GPC5: variants seen among roughly 807,000 people sequenced by gnomAD.
GPC5 encodes the protein glypican-5.
Under a neutral mutation model 53.9 loss-of-function variants are expected in GPC5, and 47 were observed. The ratio of observed to expected loss-of-function variants is 0.87; its 90% CI spans 0.69 to 1.11. The LOEUF (loss-of-function observed/expected upper bound fraction) is 1.11. GPC5 is among the 50% of genes most tolerant of loss of function. The pLI is 0.00. For missense variants in GPC5, 748 were observed against 713.1 expected (o/e 1.05, Z -0.56); for synonymous variants, 286 against 263.3 (o/e 1.09, Z -0.84).
chr13:92,796,162 C>T (rs1428479402), intron 7 of GPC5, among the ~76,000 whole-genome samples: 1 of 152,092 alleles, frequency 6.6e-6, no homozygotes, highest in Non-Finnish European at 1.5e-5. Context: ...CACATATATA[C>T]CATGGAATAT....
At chr13:91,669,188 G>GCC (rs112151311) in intron 2 of GPC5, among the ~76,000 whole-genome samples, 35 of 152,088 alleles carry the variant, frequency 2.3e-4, no homozygotes, top group Admixed American at 1.6e-3. Flanking sequence ...GTATTACTGT[G>GCC]CCCCCCCGAC....
intron 1 of GPC5, among the ~76,000 whole-genome samples, chr13:91,407,673 A>G (rs1251699314): frequency 6.6e-6 from 1 of 152,186 alleles, no homozygotes; most frequent in Non-Finnish European, 1.5e-5. Flanking sequence ...TGTCGGGAGT[A>G]AAGTATACAT....
At chr13:91,881,125 A>G (rs1267964697) in intron 5 of GPC5, among the ~76,000 whole-genome samples, 2 of 152,116 alleles carry the variant, frequency 1.3e-5, no homozygotes, top group Admixed American at 1.3e-4. Context: ...TGTGGTGGAC[A>G]AAAGTCCCCA....
chr13:92,038,631 A>G (rs966333328), intron 6 of GPC5, among the ~76,000 whole-genome samples: 2 of 151,134 alleles, frequency 1.3e-5, no homozygotes, highest in African/African-American at 2.4e-5. Flanking sequence ...CCTGATGAAT[A>G]TTTCTCCCTC....
intron 7 of GPC5, among the ~76,000 whole-genome samples, chr13:92,261,070 C>T (rs757808223): frequency 3.3e-5 from 5 of 152,100 alleles, no homozygotes; most frequent in Non-Finnish European, 7.4e-5. Flanking sequence ...AACATCAGAA[C>T]ATTATAACCA....
At chr13:92,526,501 C>T (rs1055234626) in intron 7 of GPC5, among the ~76,000 whole-genome samples, 3 of 151,932 alleles carry the variant, frequency 2.0e-5, no homozygotes, top group African/African-American at 7.3e-5. Context: ...GAGCAGGAGC[C>T]AGATCACACA....
chr13:92,176,934 G>A (rs975459904), intron 7 of GPC5, among the ~76,000 whole-genome samples: 3 of 152,158 alleles, frequency 2.0e-5, no homozygotes, highest in Non-Finnish European at 4.4e-5. Flanking sequence ...AACAGGCACT[G>A]CTTCACCCTG....
At chr13:91,678,986 G>A (rs115767187) in intron 2 of GPC5, among the ~76,000 whole-genome samples, 2,552 of 151,930 alleles carry the variant, frequency 0.017, 74 homozygotes, top group African/African-American at 0.057. Context: ...CTTTGTCCTG[G>A]GGTAAACATT....
chr13:92,594,817 G>C (rs1186096546), intron 7 of GPC5, among the ~76,000 whole-genome samples: 1 of 152,170 alleles, frequency 6.6e-6, no homozygotes, highest in African/African-American at 2.4e-5. Flanking sequence ...AAACACAAGA[G>C]GCCCTTAACA....
At chr13:92,092,604 A>G (rs2041389689) in intron 6 of GPC5, among the ~76,000 whole-genome samples, 1 of 152,168 alleles carries the variant, frequency 6.6e-6, no homozygotes, top group African/African-American at 2.4e-5. Flanking sequence ...ATCAAATGTC[A>G]TTGCTATGGA....
intron 7 of GPC5, among the ~76,000 whole-genome samples, chr13:92,331,548 A>G (rs2043287975): frequency 6.6e-6 from 1 of 152,186 alleles, no homozygotes; most frequent in African/African-American, 2.4e-5. Context: ...TATAAGCACA[A>G]TATGAACACT....
intron 7 of GPC5, among the ~76,000 whole-genome samples, chr13:92,366,191 T>C (rs920945225): frequency 1.3e-5 from 2 of 151,738 alleles, no homozygotes; most frequent in African/African-American, 4.9e-5. Context: ...AGGTGGTCTG[T>C]TGTTGACCAA....
chr13:92,039,001 T>A (rs1291732556), intron 6 of GPC5, among the ~76,000 whole-genome samples: 1 of 152,220 alleles, frequency 6.6e-6, no homozygotes, highest in Non-Finnish European at 1.5e-5. Flanking sequence ...ATGTGAAATC[T>A]TGCTGGTAAT....
intron 6 of GPC5, among the ~76,000 whole-genome samples, chr13:92,119,676 T>C (rs1566443736): frequency 6.9e-6 from 1 of 144,538 alleles, no homozygotes; most frequent in Non-Finnish European, 1.5e-5. Flanking sequence ...CGCTTCGGCC[T>C]CCCAAAGTGC....
chr13:92,566,416 A>G lies in GPC5; in HGVS notation c.1562-299866A>G, dbSNP rs146414878. Among the ~76,000 whole-genome samples the G allele has an allele frequency of 4.0e-3, 610 of 152,280 alleles. 2 individuals are homozygous for G. Among genetic ancestry groups the G allele is most frequent in the Admixed American group, 6.5e-3 (99 of 15,266 alleles). ...AAGCTAAATGAATCACATGAAGACA[A>G]GGAGATTGAATAGAAGAATATGGAA... is the stretch of plus-strand genomic sequence containing the variant. On this transcript the variant is annotated intron_variant, in intron 7 of 7. Coordinates refer to ENST00000377067, the MANE Select transcript of GPC5 (RefSeq NM_004466.6).
At chr13:92,705,188 G>A (rs1999858) in intron 7 of GPC5, among the ~76,000 whole-genome samples, 82,671 of 151,720 alleles carry the variant, frequency 0.54, 23,343 homozygotes, top group East Asian at 0.84. Flanking sequence ...AACTAACTTC[G>A]AGGAATTTTT....
chr13:91,536,522 T>A (rs1886598780), intron 2 of GPC5, among the ~76,000 whole-genome samples: 1 of 152,182 alleles, frequency 6.6e-6, no homozygotes, highest in South Asian at 2.1e-4. Flanking sequence ...TGAAAAGTAT[T>A]GTCTCACAGT....
At chr13:92,369,668 G>A (rs1261389558) in intron 7 of GPC5, among the ~76,000 whole-genome samples, 1 of 152,136 alleles carries the variant, frequency 6.6e-6, no homozygotes, top group African/African-American at 2.4e-5. Flanking sequence ...ATGAATAAGT[G>A]GTAATGACAC....
intron 7 of GPC5, among the ~76,000 whole-genome samples, chr13:92,534,616 A>G (rs543433669): frequency 1.3e-5 from 2 of 152,294 alleles, no homozygotes; most frequent in Non-Finnish European, 2.9e-5. Context: ...TTACTGCAAA[A>G]TATTAATTCA....
Sources: gnomAD v4.1 joint callset for allele counts (sites outside exome capture counted in the v4.1 genomes callset) on GRCh38, gnomAD v4.1.1 for gene constraint, MANE v1.5 for transcripts, NCBI Gene and HGNC (gene_info 2026-07-23, HGNC 2026-07-21) for gene names.